TGM6: variants seen among roughly 807,000 people sequenced by gnomAD.
The protein encoded by TGM6 is transglutaminase 6.
Under a neutral mutation model 77.5 loss-of-function variants are expected in TGM6, and 74 were observed. The observed-to-expected ratio is 0.96, with a 90% confidence interval of 0.79 to 1.16. TGM6 has a LOEUF of 1.16. Among genes scored for constraint, TGM6 ranks in the 50% most tolerant of loss-of-function variants. The pLI is 0.00. For synonymous variants in TGM6, 383 were observed against 378.9 expected, an observed-to-expected ratio of 1.01 and a Z score of -0.12; for missense variants, 968 against 940.2, an observed-to-expected ratio of 1.03 and a Z score of -0.39.
In TGM6 at chr20:2,395,201, G is replaced by T. The variant is rs2084655535; in HGVS notation, c.189G>T (p.Arg63=). 6.2e-7 allele frequency: 1 copy of T among 1,613,360 alleles called. No homozygotes were observed. Among genetic ancestry groups the T allele is most frequent in the Non-Finnish European group, 8.5e-7 (1 of 1,180,012 alleles). Reference sequence around the variant, plus strand: ...CCCTCTCCTCTCCTCCAGGACCCCGGGCTTCTGAGGCCCTCCACACCAAAG... The same window carrying T: ...CCCTCTCCTCTCCTCCAGGACCCCGTGCTTCTGAGGCCCTCCACACCAAAG... ...ILIFTMETGP[R]ASEALHTKAV... The change falls in exon 3 of 13, where the codon CGG becomes CGT. Residue 63 remains arginine, a synonymous_variant. Transcript: ENST00000202625.
At chr20:2,400,237 T>G (rs1411322799) in intron 6 of TGM6, 69 bp from the exon 7 acceptor site, 5 of 1,608,034 alleles carry the variant, frequency 3.1e-6, no homozygotes, top group Middle Eastern at 1.7e-4. Context: ...CCAGGGCGCC[T>G]GCTGTGGAAG....
chr20:2,426,324 A>G (rs1419423209), intron 10 of TGM6, among the ~76,000 whole-genome samples: 1 of 152,142 alleles, frequency 6.6e-6, no homozygotes, highest in Non-Finnish European at 1.5e-5. Context: ...TATATAGGAA[A>G]ATGATTGACT....
intron 1 of TGM6, among the ~76,000 whole-genome samples, chr20:2,390,046 T>C (rs1568653565): frequency 6.6e-6 from 1 of 152,200 alleles, no homozygotes; most frequent in Non-Finnish European, 1.5e-5. Flanking sequence ...GCCCTGCTTC[T>C]TTGAACTCTC....
intron 9 of TGM6, among the ~76,000 whole-genome samples, chr20:2,408,201 G>C (rs1453512789): frequency 6.6e-6 from 1 of 152,100 alleles, no homozygotes; most frequent in African/African-American, 2.4e-5. Context: ...GAAATGACAG[G>C]GGCTTGTGCC....
chr20:2,415,684 G>A (rs1056455877), intron 9 of TGM6, among the ~76,000 whole-genome samples: 2 of 152,118 alleles, frequency 1.3e-5, no homozygotes, highest in Admixed American at 1.3e-4. Flanking sequence ...ATAAAGGTGA[G>A]AGAAGAGTCA....
chr20:2,403,681 C>A lies in TGM6; in HGVS notation c.1194C>A (p.Asp398Glu), dbSNP rs1225630070. The A allele has an allele frequency of 6.2e-7, 1 of 1,614,222 alleles. No individual in the cohort carries two copies. The highest frequency in any genetic ancestry group is 1.7e-5 in the Admixed American group (1 of 60,020). The change falls in exon 9 of 13, where the codon GAC becomes GAA. Residue 398 changes from aspartate to glutamate, a missense_variant. Physicochemically the swap from Asp to Glu is conservative, Grantham distance 45. Transcript: ENST00000202625. The part of the protein sequence containing the change: ...GPFVFAEVNA[D>E]YITWLWHEDE... Reference sequence around the variant, plus strand: ...TCGTGTTTGCGGAGGTCAACGCCGACTACATCACCTGGCTGTGGCACGAGG... The same window carrying A: ...TCGTGTTTGCGGAGGTCAACGCCGAATACATCACCTGGCTGTGGCACGAGG...
At chr20:2,388,612 AAAAC>A (rs1269759807) in intron 1 of TGM6, among the ~76,000 whole-genome samples, 3 of 78,904 alleles carry the variant, frequency 3.8e-5, no homozygotes, top group African/African-American at 5.6e-5. Context: ...TCTCAAATTA[AAAAC>A]AAACAAACAA....
At chr20:2,399,174 A>G (rs898985184) in intron 5 of TGM6, among the ~76,000 whole-genome samples, 1 of 151,870 alleles carries the variant, frequency 6.6e-6, no homozygotes, top group East Asian at 1.9e-4. Flanking sequence ...TGAAACCTAC[A>G]TTGTAAACTT....
intron 1 of TGM6, among the ~76,000 whole-genome samples, chr20:2,392,746 A>G (rs945821376): frequency 6.6e-6 from 1 of 152,186 alleles, no homozygotes; most frequent in Non-Finnish European, 1.5e-5. Context: ...TACCAAAAAT[A>G]CAAAAAATTA....
chr20:2,393,010 G>A lies in TGM6; in HGVS notation c.8-1442G>A, dbSNP rs189452625. Among the ~76,000 whole-genome samples the A allele has an allele frequency of 1.7e-3, 265 of 152,296 alleles. 2 individuals carry two copies. Among genetic ancestry groups the A allele is most frequent in the African/African-American group, 6.3e-3 (260 of 41,558 alleles). ...AACCATTGAGCCATACAGTCTCACC[G>A]CACCATGCATTGAGGGCAAGCCCAC... is the stretch of plus-strand genomic sequence containing the variant. On this transcript the variant is annotated intron_variant, in intron 1 of 12. Transcript: ENST00000202625.
intron 10 of TGM6, among the ~76,000 whole-genome samples, chr20:2,426,257 G>A (rs1281806225): frequency 2.0e-5 from 3 of 151,892 alleles, no homozygotes; most frequent in African/African-American, 7.3e-5. Flanking sequence ...ATTTTTGGTG[G>A]TGCTAACATA....
chr20:2,387,881 G>A (rs2422765), intron 1 of TGM6, among the ~76,000 whole-genome samples: 141,259 of 152,246 alleles, frequency 0.93, 65,797 homozygotes, highest in African/African-American at 0.97. Context: ...ATGGCTTCCA[G>A]ATAATTCTGT....
intron 12 of TGM6, 30 bp from the exon 13 acceptor site, chr20:2,432,460 G>A (rs768353308): frequency 1.2e-6 from 2 of 1,613,208 alleles, no homozygotes; most frequent in Non-Finnish European, 1.7e-6. Flanking sequence ...AGGACTGACA[G>A]TCTGCCTTTC....
At chr20:2,410,228 C>A (rs539624233) in intron 9 of TGM6, among the ~76,000 whole-genome samples, 6 of 152,242 alleles carry the variant, frequency 3.9e-5, no homozygotes, top group African/African-American at 1.4e-4. Context: ...AGTTTATCAC[C>A]TAAGGCCTAT....
chr20:2,398,083 C>T (rs750872945), intron 5 of TGM6, 37 bp downstream of exon 5: 30 of 1,614,006 alleles, frequency 1.9e-5, no homozygotes, highest in Non-Finnish European at 2.5e-5. Flanking sequence ...TGTACTTCCT[C>T]AAGGATCCCC....
chr20:2,430,759 T>A (rs1382832272), intron 11 of TGM6, 135 bp from the exon 12 acceptor site: 1 of 1,584,808 alleles, frequency 6.3e-7, no homozygotes, highest in African/African-American at 1.3e-5. Flanking sequence ...GGTGCAATAG[T>A]GGCACTCAGC....
rs1164867468 is a variant in TGM6, at chr20:2,416,892, GTCTGTTAAATGTGGGTGATGATAATACC to G, written c.1337-334_1337-307del. 3.2e-4 allele frequency among the ~76,000 whole-genome samples: 49 copies of G among 152,266 alleles called. No homozygotes were observed. In the East Asian group the frequency reaches 4.6e-3, roughly 14 times the overall value. Reference sequence around the variant, plus strand: ...TACTTCCCTGTGTCTCGGCTTCCTTGTCTGTTAAATGTGGGTGATGATAATACCTCTGTAGTACCTCCTAGAGAAAAAA... The same window carrying G: ...TACTTCCCTGTGTCTCGGCTTCCTTGTCTGTAGTACCTCCTAGAGAAAAAA... On this transcript the variant is annotated intron_variant, in intron 9 of 12. Transcript: ENST00000202625.
chr20:2,430,727 G>T (rs188188235), intron 11 of TGM6, 127 bp downstream of exon 11: 5 of 1,590,208 alleles, frequency 3.1e-6, no homozygotes, highest in African/African-American at 2.7e-5. Context: ...GGTGGGAGGA[G>T]TGGGTTGGAC....
intron 9 of TGM6, among the ~76,000 whole-genome samples, chr20:2,404,283 G>C (rs2084735037): frequency 6.6e-6 from 1 of 152,158 alleles, no homozygotes; most frequent in Non-Finnish European, 1.5e-5. Flanking sequence ...ATGGCCATTG[G>C]TTCATTGAAG....
Sources: allele counts gnomAD v4.1 joint callset (sites outside exome capture counted in the v4.1 genomes callset), GRCh38; gene constraint gnomAD v4.1.1; transcripts MANE v1.5; gene names NCBI Gene and HGNC (gene_info 2026-07-23, HGNC 2026-07-21).